The following FRY variants were observed in gnomAD, a reference collection of about 807,000 sequenced individuals.
FRY encodes FRY microtubule binding protein.
Under a neutral mutation model 348.4 loss-of-function variants are expected in FRY, and 128 were observed. The observed-to-expected ratio is 0.37, with a 90% CI of 0.32 to 0.43. FRY has a LOEUF of 0.43. Ranked by LOEUF, FRY falls within the 20% of genes least tolerant of loss-of-function variation. The probability of loss-of-function intolerance (pLI) is 1.00; values close to 1 mark genes in which losing one functional copy is unlikely to be tolerated. For missense variants in FRY, 2,736 were observed against 3,695.2 expected, an observed-to-expected ratio of 0.74 and a Z score of 6.73; for synonymous variants, 1,370 against 1,374.7, an observed-to-expected ratio of 1.00 and a Z score of 0.08.
chr13:32,138,839 T>C (rs1172578378), intron 11 of FRY, among the ~76,000 whole-genome samples: 2 of 152,140 alleles, frequency 1.3e-5, no homozygotes, highest in African/African-American at 4.8e-5. Flanking sequence ...TAGAATTTCA[T>C]TGGAGGATAT....
chr13:32,043,864 G>A (rs920125858), intron 1 of FRY, among the ~76,000 whole-genome samples: 3 of 152,064 alleles, frequency 2.0e-5, no homozygotes, highest in African/African-American at 7.2e-5. Context: ...CAAATTATAA[G>A]AAATAATATT....
intron 1 of FRY, among the ~76,000 whole-genome samples, chr13:32,037,027 T>TACACAC (rs63370460): frequency 1.6e-3 from 155 of 99,596 alleles, no homozygotes; most frequent in Non-Finnish European, 2.6e-3. Context: ...CTCTCTGTTT[T>TACACAC]ACACACACAC....
chr13:32,190,857 T>C lies in FRY; in HGVS notation c.3591+3201T>C, dbSNP rs181700557. 4.6e-3 allele frequency among the ~76,000 whole-genome samples: 703 copies of C among 152,288 alleles called. 9 individuals are homozygous for C. Among genetic ancestry groups the C allele is most frequent in the African/African-American group, 0.016 (673 of 41,578 alleles). ...AGACCAGAAATAGCTAAGATAACTT[T>C]GAACACTATAATCAAAGTGAGAGGA... is the stretch of plus-strand genomic sequence containing the variant. On this transcript the variant is annotated intron_variant, in intron 28 of 60. Transcript: ENST00000542859.
At chr13:32,274,725 AAAAAT>A in intron 55 of FRY, 112 bp from the exon 56 acceptor site, 1 of 640,770 alleles carries the variant, frequency 1.6e-6, no homozygotes. Context: ...AAAAAAAAAA[AAAAAT>A]CAGTTAATGT....
rs903368575 is a variant in FRY, at chr13:32,218,614, G to T, written c.4683-135G>T. On this transcript the variant is annotated intron_variant, in intron 35 of 60. Transcript: ENST00000542859. Reference sequence around the variant, plus strand: ...GAATTGCTTGAACCTGGAAGGCGGAGATTGCAGTGAGCCAAGATCGCACCA... The same window carrying T: ...GAATTGCTTGAACCTGGAAGGCGGATATTGCAGTGAGCCAAGATCGCACCA... 8.1e-6 allele frequency: 5 copies of T among 620,870 alleles called. No individual in the cohort carries two copies. The Admixed American group carries it at 1.2e-4, about 15-fold the overall frequency. The allele number at this position is 620,870 out of a possible 1,614,324, so 38.5% of individuals were successfully genotyped here. A position where few individuals can be genotyped will look rare whatever the true frequency, so the allele number is the denominator to read the frequency against.
chr13:32,239,894 T>G lies in FRY; in HGVS notation c.6687+13T>G. 1 of 1,612,128 alleles carries G rather than the reference T, an allele frequency of 6.2e-7. No homozygotes were observed. The highest frequency in any genetic ancestry group is 8.5e-7 in the Non-Finnish European group (1 of 1,178,808). ...CTACCTGGCAGAGGTAAGCTTTTTT[T>G]TTTTGTTTTTTGAGACAGGGTCTCA... On this transcript the variant is annotated intron_variant, in intron 46 of 60. Coordinates refer to ENST00000542859, the MANE Select transcript of FRY (RefSeq NM_023037.3). This position sits in a 1 kb window ranked among gnomAD's most constrained non-coding sequence, Gnocchi z 4.3.
Position 32,162,650 on chromosome 13 carries a change from G to A in FRY, c.1892+1399G>A, listed in dbSNP as rs566044588. The stretch of plus-strand genomic sequence containing the variant: ...ACAGTGCTGAATGTGAAGGTTTCCT[G>A]AAGGTCTGTTACCTTCAAAACCATG... On this transcript the variant is annotated intron_variant, in intron 17 of 60. Coordinates refer to ENST00000542859, the MANE Select transcript of FRY (RefSeq NM_023037.3). Among the ~76,000 whole-genome samples, 4 of 152,278 alleles carry A rather than the reference G, an allele frequency of 2.6e-5. No individual in the cohort carries two copies. In the South Asian group the frequency reaches 8.3e-4, roughly 32 times the overall value.
rs761204654 is a variant in FRY at position 32,031,876 on chromosome 13, G to T, written c.70+11G>T. 2.1e-6 allele frequency: 3 copies of T among 1,418,474 alleles called. No homozygotes were observed. Among genetic ancestry groups the T allele is most frequent in the African/African-American group, 2.8e-5 (2 of 71,238 alleles). 87.9% of individuals were successfully genotyped at this position (1,418,474 alleles called of 1,614,324 possible). ...AATCCTGGAGTAATAGTGAGTAATA[G>T]AAAATAACCTTTTTGTTTGTTTGTT... On this transcript the variant is annotated intron_variant, in intron 1 of 60. Coordinates refer to ENST00000542859, the MANE Select transcript of FRY (RefSeq NM_023037.3).
rs1164286502 is a variant in FRY, at chr13:32,047,582, G to T, written c.70+15717G>T. ...TTTTTCTTTTCTTTTCTTTTTTTTTGGGGGGGGTGCAGAGTTTCACTCTTG... is the reference window on the plus strand; with the variant it reads ...TTTTTCTTTTCTTTTCTTTTTTTTTTGGGGGGGTGCAGAGTTTCACTCTTG... On this transcript the variant is annotated intron_variant, in intron 1 of 60. Transcript: ENST00000542859. 2.8e-3 allele frequency among the ~76,000 whole-genome samples: 144 copies of T among 51,562 alleles called. 1 individual carries two copies. Among genetic ancestry groups the T allele is most frequent in the African/African-American group, 4.7e-3 (128 of 27,040 alleles). 33.8% of individuals were successfully genotyped at this position (51,562 alleles called of 152,430 possible). A position where few individuals can be genotyped will look rare whatever the true frequency, so the allele number is the denominator to read the frequency against.
At chr13:32,051,755 AG>A (rs1032234409) in intron 1 of FRY, among the ~76,000 whole-genome samples, 2 of 152,246 alleles carry the variant, frequency 1.3e-5, no homozygotes, top group African/African-American at 4.8e-5. Context: ...CTGCAGCAGA[AG>A]CGATGATAAT....
In FRY at chr13:32,278,507, G is replaced by A. The variant is rs1888650822; in HGVS notation, c.8428G>A (p.Asp2810Asn). The change falls in exon 58 of 61, where the codon GAT becomes AAT. Residue 2810 changes from aspartate (D) to asparagine (N), a missense_variant. Transcript: ENST00000542859. ...GGCAACATTTGCAGGGGGATCAAGA[G>A]ATGGAGTAATTACCTGTCAACCAGG... ...CKATFAGGSR[D>N]GVITCQPGDS... 1.2e-6 allele frequency: 2 copies of A among 1,603,008 alleles called. No individual in the cohort carries two copies. Among genetic ancestry groups the A allele is most frequent in the Non-Finnish European group, 1.7e-6 (2 of 1,169,906 alleles).
At chr13:32,116,190 A>G (rs1593630343) in intron 3 of FRY, among the ~76,000 whole-genome samples, 1 of 129,362 alleles carries the variant, frequency 7.7e-6, no homozygotes, top group Non-Finnish European at 1.8e-5. Context: ...AATGATTTTT[A>G]TTAGGTTCTT....
At chr13:32,040,652 T>C (rs1872712726) in intron 1 of FRY, among the ~76,000 whole-genome samples, 1 of 152,234 alleles carries the variant, frequency 6.6e-6, no homozygotes, top group Non-Finnish European at 1.5e-5. Context: ...TTCTTTCTGT[T>C]GTTACTTTTT....
intron 13 of FRY, among the ~76,000 whole-genome samples, chr13:32,149,505 G>C (rs1880666907): frequency 6.6e-6 from 1 of 151,904 alleles, no homozygotes; most frequent in African/African-American, 2.4e-5. Flanking sequence ...CTGTGGTTTA[G>C]AGGCCAATTA....
At chr13:32,077,744 T>A (rs1054998801) in intron 1 of FRY, among the ~76,000 whole-genome samples, 16 of 152,256 alleles carry the variant, frequency 1.1e-4, no homozygotes, top group Admixed American at 6.5e-5. Context: ...GAAAGAACTT[T>A]GTTTTGCCTT....
At chr13:32,190,516 G>C (rs969733413) in intron 28 of FRY, among the ~76,000 whole-genome samples, 3 of 152,040 alleles carry the variant, frequency 2.0e-5, no homozygotes, top group African/African-American at 7.2e-5. Flanking sequence ...GTACAGCAAC[G>C]ATGGGGAGCT....
Position 32,239,640 on chromosome 13 carries a change from A to G in FRY, c.6517-71A>G, listed in dbSNP as rs1320369441. On this transcript the variant is annotated intron_variant, in intron 45 of 60. Coordinates refer to ENST00000542859, the MANE Select transcript of FRY (RefSeq NM_023037.3). The surrounding 1 kb of genome is among the most constrained non-coding windows in gnomAD (Gnocchi z 4.3). ...TACTTTCCAGATGGCCAGAGCTTAT[A>G]GTAAAATTGCTAACATTTCTTCCTA... The G allele has an allele frequency of 2.8e-6, 3 of 1,077,224 alleles. No individual in the cohort carries two copies. The East Asian group carries it at 7.3e-5, about 26-fold the overall frequency. 66.7% of individuals were successfully genotyped at this position (1,077,224 alleles called of 1,614,324 possible). A position where few individuals can be genotyped will look rare whatever the true frequency, so the allele number is the denominator to read the frequency against.
intron 51 of FRY, among the ~76,000 whole-genome samples, chr13:32,259,782 T>C (rs191486272): frequency 2.9e-4 from 44 of 152,346 alleles, no homozygotes; most frequent in Admixed American, 2.8e-3. Flanking sequence ...GCCTCTTTCA[T>C]ATATTGTTTT....
rs1885884603 is a variant in FRY, at chr13:32,231,088, A to G, written c.5406-91A>G. ...TGCATAGATTGCAAAAAATTTAAAT[A>G]TGTTATATGTTTGGAGTCAGGACTG... is the stretch of plus-strand genomic sequence containing the variant. On this transcript the variant is annotated intron_variant, in intron 40 of 60. Coordinates refer to ENST00000542859, the MANE Select transcript of FRY (RefSeq NM_023037.3). The G allele has an allele frequency of 2.7e-6, 3 of 1,094,508 alleles. No individual in the cohort carries two copies. The South Asian group carries it at 4.3e-5, about 16-fold the overall frequency. The allele number at this position is 1,094,508 out of a possible 1,614,324, so 67.8% of individuals were successfully genotyped here. A position where few individuals can be genotyped will look rare whatever the true frequency, so the allele number is the denominator to read the frequency against.
Sources: allele counts gnomAD v4.1 joint callset (sites outside exome capture counted in the v4.1 genomes callset), GRCh38; gene constraint gnomAD v4.1.1; non-coding constraint Gnocchi (gnomAD v3.1); transcripts MANE v1.5; gene names NCBI Gene and HGNC (gene_info 2026-07-23, HGNC 2026-07-21).